CDKL1: variants seen among roughly 807,000 people sequenced by gnomAD.
The protein encoded by CDKL1 is cyclin-dependent kinase-like 1.
Under a neutral mutation model 42.0 loss-of-function variants are expected in CDKL1, and 41 were observed. The observed-to-expected ratio is 0.98, with a 90% CI of 0.76 to 1.27. CDKL1 has a LOEUF of 1.27. CDKL1 is among the 50% of genes most tolerant of loss of function. The pLI, the probability that CDKL1 is intolerant of heterozygous loss-of-function variation, is 0.00. For synonymous variants in CDKL1, 153 were observed against 158.6 expected, an observed-to-expected ratio of 0.96 and a Z score of 0.26; for missense variants, 394 against 428.4, an observed-to-expected ratio of 0.92 and a Z score of 0.71.
intron 3 of CDKL1, chr14:50,358,150 G>C: frequency 7.5e-7 from 1 of 1,329,936 alleles, no homozygotes; most frequent in Non-Finnish European, 1.0e-6. Flanking sequence ...ATATGCTAGA[G>C]AGAGCTGTGT....
chr14:50,356,094 AACCTAAGGGGACCCC>A (rs1170823201), intron 3 of CDKL1, among the ~76,000 whole-genome samples: 3 of 152,216 alleles, frequency 2.0e-5, no homozygotes, highest in Non-Finnish European at 4.4e-5. Flanking sequence ...TAAGTATACT[AACCTAAGGGGACCCC>A]ACCTGGCACC....
In CDKL1 at chr14:50,391,702, C is replaced by A. The variant is rs1357293542; in HGVS notation, c.168+3999G>T. Reference sequence around the variant, plus strand: ...CTGGCCTAAATTGTCTTTTTTTATGCAATGATATTTATGTTTGGTATGGTT... The same window carrying A: ...CTGGCCTAAATTGTCTTTTTTTATGAAATGATATTTATGTTTGGTATGGTT... On this transcript the variant is annotated intron_variant, in intron 2 of 9. Transcript: ENST00000395834. Among the ~76,000 whole-genome samples, 10 of 152,036 alleles carry A rather than the reference C, an allele frequency of 6.6e-5. 1 individual carries two copies. The highest frequency in any genetic ancestry group is 6.6e-4 in the Admixed American group (10 of 15,248).
At chr14:50,374,888 G>A (rs949028681) in intron 2 of CDKL1, among the ~76,000 whole-genome samples, 2 of 152,144 alleles carry the variant, frequency 1.3e-5, no homozygotes, top group Non-Finnish European at 2.9e-5. Context: ...CTTGAACAAT[G>A]AGAACATATG....
At position 50,359,091 on chromosome 14, in the gene CDKL1, AG is replaced by A; in HGVS notation, c.226del (p.Leu76PhefsTer28). Reference protein sequence around the residue: ...LLEVFRRKRRLHLVFEYCDHT... With the variant: ...LLEVFRRKRRXHLVFEYCDHT... ...GTCACAATATTCAAACACCAGGTGA[AG>A]CCTCCGTTTCCTCCTGAAGACTTCC... On this transcript the variant is annotated frameshift_variant, in exon 3 of 10. Coordinates refer to ENST00000395834, the MANE Select transcript of CDKL1 (RefSeq NM_004196.7). LOFTEE classifies it high-confidence loss of function. The A allele has an allele frequency of 1.2e-6, 2 of 1,613,226 alleles. No homozygotes were observed. Among genetic ancestry groups the A allele is most frequent in the African/African-American group, 2.7e-5 (2 of 75,034 alleles).
At chr14:50,396,927 G>A, upstream of CDKL1, 1 of 328,140 alleles carries the variant, frequency 3.0e-6, no homozygotes, top group Non-Finnish European at 5.0e-6. Flanking sequence ...ACCGGCTCCC[G>A]CCCCGGGTCT....
Position 50,384,834 on chromosome 14 carries a change from G to A in CDKL1, c.168+10867C>T, listed in dbSNP as rs139854791. On this transcript the variant is annotated intron_variant, in intron 2 of 9. Transcript: ENST00000395834. ...ACCTGTAATCCCAGCACTTTAGGAG[G>A]CCGAGGTGGGTGGATCACTTGAGGC... 3.7e-4 allele frequency among the ~76,000 whole-genome samples: 57 copies of A among 152,078 alleles called. 5 individuals are homozygous for A. The highest frequency in any genetic ancestry group is 2.7e-3 in the East Asian group (14 of 5,182).
At position 50,330,117 on chromosome 14, in the gene CDKL1, T is replaced by C. The variant is rs1219245235; in HGVS notation, c.1031A>G (p.Tyr344Cys). The C allele has an allele frequency of 1.2e-6, 2 of 1,610,138 alleles. No individual in the cohort carries two copies. The highest frequency in any genetic ancestry group is 1.7e-6 in the Non-Finnish European group (2 of 1,179,280). ...GTAGTTAAGTTTCTTGGTATCACAG[T>C]AGTACTTCTTATTATCCAAAGCTGG... is the stretch of plus-strand genomic sequence containing the variant. The part of the protein sequence containing the change: ...ILPALDNKKY[Y>C]CDTKKLNYRF... Residue 344 changes from tyrosine (Y) to cysteine (C), a missense_variant, in exon 10 of 10, where the codon TAC becomes TGC. Tyr to Cys is a radical substitution (Grantham distance 194). Transcript: ENST00000395834.
At chr14:50,389,286 C>A (rs993176645) in intron 2 of CDKL1, among the ~76,000 whole-genome samples, 6 of 152,058 alleles carry the variant, frequency 3.9e-5, no homozygotes, top group Admixed American at 6.6e-5. Flanking sequence ...TGAGAGCCTA[C>A]TTCTGGCACC....
intron 2 of CDKL1, among the ~76,000 whole-genome samples, chr14:50,374,290 A>AAAC (rs1194859901): frequency 6.6e-6 from 1 of 152,224 alleles, no homozygotes; most frequent in East Asian, 1.9e-4. Context: ...TGAGTAGGTG[A>AAAC]AACACACAGG....
chr14:50,378,509 C>T (rs941261535), intron 2 of CDKL1: 3 of 1,156,206 alleles, frequency 2.6e-6, no homozygotes, highest in South Asian at 1.3e-5. Flanking sequence ...GACAAGGACA[C>T]CTGCAGACAG....
chr14:50,346,651 G>GTTTTTTTTTTTTTTTTTTT (rs375954757), intron 3 of CDKL1, among the ~76,000 whole-genome samples: 1 of 123,636 alleles, frequency 8.1e-6, no homozygotes, highest in Non-Finnish European at 1.7e-5. Flanking sequence ...TTAAATTTTT[G>GTTTTTTTTTTTTTTTTTTT]GTTTTTTTTT....
At chr14:50,343,154 AC>A in intron 4 of CDKL1, 3 of 265,280 alleles carry the variant, frequency 1.1e-5, no homozygotes, top group South Asian at 3.4e-5. Flanking sequence ...ATTAAGAGTT[AC>A]TTTTTTTTTT....
intron 6 of CDKL1, 23 bp from the exon 7 acceptor site, chr14:50,339,052 G>A (rs1037976389): frequency 9.2e-6 from 14 of 1,528,498 alleles, no homozygotes; most frequent in South Asian, 6.7e-5. Context: ...AAAGAAAAAG[G>A]TAAGTGAAAT....
chr14:50,391,127 C>A (rs1438224766), intron 2 of CDKL1, among the ~76,000 whole-genome samples: 1 of 152,140 alleles, frequency 6.6e-6, no homozygotes, highest in African/African-American at 2.4e-5. Flanking sequence ...GCCACCACAC[C>A]CAGCTCCTGA....
rs2032711894 is a variant in CDKL1, at chr14:50,326,554, T to G, written c.*3520A>C. On this transcript the variant is annotated 3_prime_UTR_variant, in exon 10 of 10. Transcript: ENST00000395834. ...CATTTCCCATGATCCTGCATTCTTG[T>G]GTTCTTGATAGCATACAGACTTACT... The G allele has an allele frequency of 1.0e-6, 1 of 985,344 alleles. No homozygotes were observed. Among genetic ancestry groups the G allele is most frequent in the South Asian group, 4.7e-5 (1 of 21,296 alleles). 61.0% of individuals were successfully genotyped at this position (985,344 alleles called of 1,614,324 possible).
rs1595235456 is a variant in CDKL1 at position 50,329,815 on chromosome 14, A to G, written c.*259T>C. 7.4e-6 allele frequency: 3 copies of G among 405,332 alleles called. No homozygotes were observed. Among genetic ancestry groups the G allele is most frequent in the East Asian group, 1.2e-4 (2 of 16,904 alleles). 25.1% of individuals were successfully genotyped at this position (405,332 alleles called of 1,614,324 possible). A position where few individuals can be genotyped will look rare whatever the true frequency, so the allele number is the denominator to read the frequency against. On this transcript the variant is annotated 3_prime_UTR_variant, in exon 10 of 10. Coordinates refer to ENST00000395834, the MANE Select transcript of CDKL1 (RefSeq NM_004196.7). ...GTATGGGACAGTTCATATTCTGTCCATAAGTTCGGCTACTTACATAAACTG... is the reference window on the plus strand; with the variant it reads ...GTATGGGACAGTTCATATTCTGTCCGTAAGTTCGGCTACTTACATAAACTG...
intron 2 of CDKL1, among the ~76,000 whole-genome samples, chr14:50,373,812 C>T (rs1392688090): frequency 2.6e-5 from 4 of 152,188 alleles, no homozygotes; most frequent in Non-Finnish European, 4.4e-5. Context: ...CAGAACCTCT[C>T]ATTCACTGCT....
intron 7 of CDKL1, among the ~76,000 whole-genome samples, chr14:50,337,644 C>T (rs75207475): frequency 0.018 from 2,666 of 151,568 alleles, 75 homozygotes; most frequent in African/African-American, 0.061. Context: ...TGTGGGCCAC[C>T]GCACCTGGCT....
At chr14:50,380,339 A>C in intron 2 of CDKL1, 3 of 431,590 alleles carry the variant, frequency 7.0e-6, no homozygotes, top group South Asian at 5.2e-5. Context: ...GTAGACTCCT[A>C]TAAACTCAAC....
Sources: allele counts gnomAD v4.1 joint callset (sites outside exome capture counted in the v4.1 genomes callset), GRCh38; gene constraint gnomAD v4.1.1; transcripts MANE v1.5; gene names NCBI Gene and HGNC (gene_info 2026-07-23, HGNC 2026-07-21).